The following TMEM147 variants were observed in gnomAD, a reference collection of about 807,000 sequenced individuals.
The protein encoded by TMEM147 is BOS complex subunit TMEM147.
A neutral mutation model predicts 29.4 loss-of-function variants in TMEM147; 29 were observed. That is an observed-to-expected ratio of 0.99 (90% CI 0.73 to 1.34). TMEM147 has a LOEUF of 1.34. Among genes scored for constraint, TMEM147 ranks in the 40% most tolerant of loss-of-function variants. TMEM147 has a pLI of 0.00. For missense variants in TMEM147, 260 were observed against 289.4 expected (o/e 0.90, Z 0.74); for synonymous variants, 121 against 111.8 (o/e 1.08, Z -0.52).
In TMEM147 at chr19:35,546,582, T is replaced by C. The variant is rs756917658; in HGVS notation, c.204T>C (p.Ile68=). 2.5e-6 allele frequency: 4 copies of C among 1,613,214 alleles called. No individual in the cohort carries two copies. The highest frequency in any genetic ancestry group is 3.4e-6 in the Non-Finnish European group (4 of 1,179,672). ...GGGAAGGCGGCATCTATGACTTCAT[T>C]GGGGTGAGAGGGGCCAGGGAAGGGA... ...PTWEGGIYDF[I]GEFMKASVDV... The change falls in exon 3 of 7, where the codon ATT becomes ATC. Residue 68 remains isoleucine (I), a synonymous_variant. Transcript: ENST00000222284.
chr19:35,546,594 G>A lies in TMEM147; in HGVS notation c.207+9G>A, dbSNP rs1396800475. ...TCTATGACTTCATTGGGGTGAGAGG[G>A]GCCAGGGAAGGGAAGGGAGTTCAGG... is the stretch of plus-strand genomic sequence containing the variant. On this transcript the variant is annotated intron_variant, in intron 3 of 6. Coordinates refer to ENST00000222284, the MANE Select transcript of TMEM147 (RefSeq NM_032635.4). The A allele has an allele frequency of 6.2e-7, 1 of 1,612,368 alleles. No homozygotes were observed. Among genetic ancestry groups the A allele is most frequent in the Admixed American group, 1.7e-5 (1 of 59,788 alleles).
Position 35,547,441 on chromosome 19 carries a change from C to T in TMEM147, c.669C>T (p.His223=), listed in dbSNP as rs1358778542. The change falls in exon 7 of 7, where the codon CAC becomes CAT. Residue 223 remains histidine, a synonymous_variant. Coordinates refer to ENST00000222284, the MANE Select transcript of TMEM147 (RefSeq NM_032635.4). ...LALYVAVVNV[H]S ...TGTATGTCGCCGTTGTCAATGTGCA[C>T]TCCTAGGCTTGGTGTCTCAGACATT... 6.2e-7 allele frequency: 1 copy of T among 1,613,180 alleles called. No homozygotes were observed. The highest frequency in any genetic ancestry group is 1.1e-5 in the South Asian group (1 of 91,086).
rs767106326 is a variant in TMEM147, at chr19:35,546,812, C to G, written c.344+4C>G. ...CTGCTGAGCTTATTATGTCCCGGTG[C>G]GTACAGCAGCCTGGAGCCCAGACCC... On this transcript the variant is annotated splice_donor_region_variant and intron_variant, in intron 4 of 6. Coordinates refer to ENST00000222284, the MANE Select transcript of TMEM147 (RefSeq NM_032635.4). 6.2e-7 allele frequency: 1 copy of G among 1,614,038 alleles called. No homozygotes were observed. The highest frequency in any genetic ancestry group is 8.5e-7 in the Non-Finnish European group (1 of 1,180,048).
At chr19:35,546,295 G>C (rs552959167) in intron 2 of TMEM147, 1 of 604,568 alleles carries the variant, frequency 1.7e-6, no homozygotes, top group South Asian at 2.0e-5. Context: ...ACCTGACTCA[G>C]ATGCCCTGTG....
rs1324222068 is a variant in TMEM147, at chr19:35,546,691, T to C, written c.227T>C (p.Val76Ala). 3 of 1,613,760 alleles carry C rather than the reference T, an allele frequency of 1.9e-6. No homozygotes were observed. Among genetic ancestry groups the C allele is most frequent in the Admixed American group, 3.3e-5 (2 of 59,998 alleles). Residue 76 changes from valine to alanine, a missense_variant, in exon 4 of 7, where the codon GTG becomes GCG. Val to Ala is a moderately conservative substitution (Grantham distance 64). Coordinates refer to ENST00000222284, the MANE Select transcript of TMEM147 (RefSeq NM_032635.4). ...CCGCAGGAGTTCATGAAGGCCAGCG[T>C]GGATGTGGCAGACCTGATAGGTCTA... ...DFIGEFMKAS[V>A]DVADLIGLNL...
chr19:35,547,140 G>T lies in TMEM147; in HGVS notation c.451G>T (p.Ala151Ser). Reference protein sequence around the residue: ...ISLVHYIVASAQVWMITRYDL... With the variant: ...ISLVHYIVASSQVWMITRYDL... ...CTAGGTCCATTACATCGTCGCGTCT[G>T]CTCAGGTCTGGATGATAACACGCTA... is the stretch of plus-strand genomic sequence containing the variant. Residue 151 changes from alanine (A) to serine (S), a missense_variant, in exon 6 of 7, where the codon GCT becomes TCT. By Grantham distance (99) the Ala-to-Ser change is moderately conservative. Coordinates refer to ENST00000222284, the MANE Select transcript of TMEM147 (RefSeq NM_032635.4). 1 of 1,614,166 alleles carries T rather than the reference G, an allele frequency of 6.2e-7. No homozygotes were observed. The highest frequency in any genetic ancestry group is 8.5e-7 in the Non-Finnish European group (1 of 1,180,044).
Position 35,547,262 on chromosome 19 carries a change from G to A in TMEM147, c.551+22G>A, listed in dbSNP as rs572908013. On this transcript the variant is annotated intron_variant, in intron 6 of 6. Coordinates refer to ENST00000222284, the MANE Select transcript of TMEM147 (RefSeq NM_032635.4). ...TGGAGTGAGTTGGGTGGGGTTTAGG[G>A]CTGGGTCCAAAGTGGGGTGGGTTAT... 48 of 1,614,126 alleles carry A rather than the reference G, an allele frequency of 3.0e-5. No individual in the cohort carries two copies. The South Asian group carries it at 5.3e-4, about 18-fold the overall frequency.
In TMEM147 at chr19:35,545,835, C is replaced by CGGGGCGGAGAG; in HGVS notation, c.77+22_77+32dup. The CGGGGCGGAGAG allele has an allele frequency of 1.2e-6, 2 of 1,613,876 alleles. No homozygotes were observed. The highest frequency in any genetic ancestry group is 1.7e-6 in the Non-Finnish European group (2 of 1,179,894). ...GCGGCCTGTGAGTGCGGGAAGGGCGCGGGGCGGAGAGGGCGCGGGGCCCGG... is the reference window on the plus strand; with the variant it reads ...GCGGCCTGTGAGTGCGGGAAGGGCGCGGGGCGGAGAGGGGGCGGAGAGGGCGCGGGGCCCGG... On this transcript the variant is annotated intron_variant, in intron 1 of 6. Transcript: ENST00000222284.
At position 35,546,989 on chromosome 19, in the gene TMEM147, G is replaced by A; in HGVS notation, c.389G>A (p.Trp130Ter). 1.2e-6 allele frequency: 2 copies of A among 1,614,222 alleles called. No individual in the cohort carries two copies. Among genetic ancestry groups the A allele is most frequent in the Non-Finnish European group, 8.5e-7 (1 of 1,180,044 alleles). ...WVGARGIEFD[W>*]KYIQMSIDSN... ...GGAGCCCGGGGCATTGAGTTTGACT[G>A]GAAGTACATCCAGATGAGCATAGAC... The change falls in exon 5 of 7, where the codon TGG becomes TAG. Residue 130 changes from tryptophan to a stop codon, truncating the protein, a stop_gained. Coordinates refer to ENST00000222284, the MANE Select transcript of TMEM147 (RefSeq NM_032635.4). LOFTEE classifies it high-confidence loss of function.
At position 35,547,143 on chromosome 19, in the gene TMEM147, C is replaced by T; in HGVS notation, c.454C>T (p.Gln152Ter). Residue 152 changes from glutamine (Q) to a stop codon, truncating the protein, a stop_gained, in exon 6 of 7, where the codon CAG (glutamine) becomes TAG (stop). Coordinates refer to ENST00000222284, the MANE Select transcript of TMEM147 (RefSeq NM_032635.4). LOFTEE classifies it high-confidence loss of function. ...SLVHYIVASA[Q>*]VWMITRYDLY... Reference sequence around the variant, plus strand: ...GGTCCATTACATCGTCGCGTCTGCTCAGGTCTGGATGATAACACGCTATGA... The same window carrying T: ...GGTCCATTACATCGTCGCGTCTGCTTAGGTCTGGATGATAACACGCTATGA... The T allele has an allele frequency of 6.2e-7, 1 of 1,614,172 alleles. No individual in the cohort carries two copies. Among genetic ancestry groups the T allele is most frequent in the Non-Finnish European group, 8.5e-7 (1 of 1,180,034 alleles).
chr19:35,546,376 T>C (rs578219314), intron 2 of TMEM147, 150 bp from the exon 3 acceptor site: 1 of 884,404 alleles, frequency 1.1e-6, no homozygotes, highest in South Asian at 1.8e-5. Flanking sequence ...CCGATTCCTG[T>C]AATTTTGCCA....
At position 35,546,939 on chromosome 19, in the gene TMEM147, C is replaced by T; in HGVS notation, c.345-6C>T. ...ACTGGAGAATCCCATCCTTTGCCTT[C>T]CTCAGCTGCATTCCCCTATGGGTCG... On this transcript the variant is annotated splice_polypyrimidine_tract_variant and splice_region_variant and intron_variant, in intron 4 of 6. Transcript: ENST00000222284. 6.2e-7 allele frequency: 1 copy of T among 1,614,186 alleles called. No homozygotes were observed. Among genetic ancestry groups the T allele is most frequent in the Non-Finnish European group, 8.5e-7 (1 of 1,180,040 alleles).
Position 35,545,718 on chromosome 19 carries a change from G to T in TMEM147, c.-22G>T. The T allele has an allele frequency of 6.2e-7, 1 of 1,606,238 alleles. No individual in the cohort carries two copies. Reference sequence around the variant, plus strand: ...ACGCCGCCTCGCGATCCCCGCGCGGGCGGGACCGGGCGGCCGGCATCATGA... The same window carrying T: ...ACGCCGCCTCGCGATCCCCGCGCGGTCGGGACCGGGCGGCCGGCATCATGA... On this transcript the variant is annotated 5_prime_UTR_variant, in exon 1 of 7. Transcript: ENST00000222284.
intron 2 of TMEM147, 114 bp from the exon 3 acceptor site, chr19:35,546,411 TG>T: frequency 8.2e-7 from 1 of 1,226,340 alleles, no homozygotes; most frequent in Non-Finnish European, 1.1e-6. Context: ...CTCTTCCAGA[TG>T]GGCCCCCAGA....
At position 35,546,510 on chromosome 19, in the gene TMEM147, T is replaced by A. The variant is rs1307090782; in HGVS notation, c.148-16T>A. 6.2e-7 allele frequency: 1 copy of A among 1,607,886 alleles called. No individual in the cohort carries two copies. Among genetic ancestry groups the A allele is most frequent in the Non-Finnish European group, 8.5e-7 (1 of 1,177,278 alleles). On this transcript the variant is annotated splice_polypyrimidine_tract_variant and intron_variant, in intron 2 of 6. Transcript: ENST00000222284. ...CCCTCACCTTGAAGTGACCTCTTTC[T>A]GCTTTCTGTTCTCAGATGCTGTTCT...
chr19:35,547,146 G>T lies in TMEM147; in HGVS notation c.457G>T (p.Val153Phe). The change falls in exon 6 of 7, where the codon GTC becomes TTC. Residue 153 changes from valine to phenylalanine, a missense_variant. Coordinates refer to ENST00000222284, the MANE Select transcript of TMEM147 (RefSeq NM_032635.4). ...CCATTACATCGTCGCGTCTGCTCAG[G>T]TCTGGATGATAACACGCTATGATCT... ...LVHYIVASAQ[V>F]WMITRYDLYH... The T allele has an allele frequency of 6.2e-7, 1 of 1,614,146 alleles. No individual in the cohort carries two copies. The highest frequency in any genetic ancestry group is 8.5e-7 in the Non-Finnish European group (1 of 1,180,022).
In TMEM147 at chr19:35,546,689, C is replaced by T. The variant is rs1045077120; in HGVS notation, c.225C>T (p.Ser75=). 11 of 1,613,506 alleles carry T rather than the reference C, an allele frequency of 6.8e-6. No individual in the cohort carries two copies. Among genetic ancestry groups the T allele is most frequent in the Admixed American group, 5.0e-5 (3 of 59,976 alleles). ...YDFIGEFMKA[S]VDVADLIGLN... is the part of the protein sequence containing the mutation. ...ACCCGCAGGAGTTCATGAAGGCCAG[C>T]GTGGATGTGGCAGACCTGATAGGTC... Residue 75 remains serine (S), a synonymous_variant, in exon 4 of 7, where the codon AGC becomes AGT. Coordinates refer to ENST00000222284, the MANE Select transcript of TMEM147 (RefSeq NM_032635.4).
rs376027515 is a variant in TMEM147, at chr19:35,547,141, C to T, written c.452C>T (p.Ala151Val). The T allele has an allele frequency of 5.6e-6, 9 of 1,614,070 alleles. No individual in the cohort carries two copies. Among genetic ancestry groups the T allele is most frequent in the Non-Finnish European group, 7.6e-6 (9 of 1,180,048 alleles). Residue 151 changes from alanine to valine, a missense_variant, in exon 6 of 7, where the codon GCT (alanine) becomes GTT (valine). Physicochemically the swap from Ala to Val is moderately conservative, Grantham distance 64. Transcript: ENST00000222284. ...TAGGTCCATTACATCGTCGCGTCTG[C>T]TCAGGTCTGGATGATAACACGCTAT... ...ISLVHYIVAS[A>V]QVWMITRYDL...
rs753560445 is a variant in TMEM147 at position 35,545,782 on chromosome 19, T to A, written c.43T>A (p.Phe15Ile). 2 of 1,613,754 alleles carry A rather than the reference T, an allele frequency of 1.2e-6. No homozygotes were observed. Among genetic ancestry groups the A allele is most frequent in the Non-Finnish European group, 1.7e-6 (2 of 1,179,886 alleles). ...CGGGAACTGCTTCGCTCTTGCCTAC[T>A]TCCCCTACTTCATCACCTACAAGTG... is the stretch of plus-strand genomic sequence containing the variant. ...HFGNCFALAY[F>I]PYFITYKCSG... The change falls in exon 1 of 7, where the codon TTC (phenylalanine) becomes ATC (isoleucine). Residue 15 changes from phenylalanine to isoleucine, a missense_variant. By Grantham distance (21) the Phe-to-Ile change is conservative. Coordinates refer to ENST00000222284, the MANE Select transcript of TMEM147 (RefSeq NM_032635.4).
Sources: gnomAD v4.1 joint callset for allele counts on GRCh38, gnomAD v4.1.1 for gene constraint, MANE v1.5 for transcripts, NCBI Gene and HGNC (gene_info 2026-07-23, HGNC 2026-07-21) for gene names.